KATNAL1: variants seen among roughly 807,000 people sequenced by gnomAD.
KATNAL1 encodes the protein katanin catalytic subunit A1 like 1.
In KATNAL1, 32 loss-of-function variants were observed where a neutral mutation model predicts 55.2. The ratio of observed to expected loss-of-function variants is 0.58; its 90% CI spans 0.44 to 0.78. The LOEUF is 0.78. Ranked by LOEUF, KATNAL1 falls within the 30% of genes least tolerant of loss-of-function variation. KATNAL1 has a pLI of 0.00. For missense variants in KATNAL1, 466 were observed against 600.9 expected (o/e 0.78, Z 2.35); for synonymous variants, 193 against 193.6 (o/e 1.00, Z 0.02).
intron 9 of KATNAL1, among the ~76,000 whole-genome samples, chr13:30,220,903 C>T (rs147957842): frequency 6.8e-6 from 1 of 147,928 alleles, no homozygotes; most frequent in East Asian, 1.9e-4. Flanking sequence ...TTTCTCATAT[C>T]GGTCAGGCTG....
rs1873336515 is a variant in KATNAL1 at position 30,208,284 on chromosome 13, T to C, written c.*256A>G. 2.5e-5 allele frequency: 9 copies of C among 353,634 alleles called. No homozygotes were observed. The South Asian group carries it at 5.4e-4, about 21-fold the overall frequency. 21.9% of individuals were successfully genotyped at this position (353,634 alleles called of 1,614,324 possible). A position where few individuals can be genotyped will look rare whatever the true frequency, so the allele number is the denominator to read the frequency against. ...TGCGCCCTTGCTTCAGCCTCCCTGA[T>C]AGACTGGTTTGGGTGTGCAATATTA... On this transcript the variant is annotated 3_prime_UTR_variant, in exon 11 of 11. Transcript: ENST00000380615.
intron 4 of KATNAL1, among the ~76,000 whole-genome samples, chr13:30,246,145 T>G (rs1877774909): frequency 6.6e-6 from 1 of 152,160 alleles, no homozygotes; most frequent in Non-Finnish European, 1.5e-5. Context: ...GACTTCAAAC[T>G]ATACTACAAG....
intron 1 of KATNAL1, chr13:30,296,726 A>C (rs1882526269): frequency 1.8e-6 from 1 of 556,506 alleles, no homozygotes; most frequent in Admixed American, 2.1e-5. Flanking sequence ...ATTTCTCCAA[A>C]CAAAATTAGG....
At chr13:30,253,916 C>T (rs34295250) in intron 4 of KATNAL1, among the ~76,000 whole-genome samples, 2 of 152,152 alleles carry the variant, frequency 1.3e-5, no homozygotes, top group Non-Finnish European at 2.9e-5. Context: ...CACTGTGAGA[C>T]GCTGGCAAGT....
chr13:30,242,124 T>C (rs1160747342), intron 4 of KATNAL1, among the ~76,000 whole-genome samples: 1 of 152,164 alleles, frequency 6.6e-6, no homozygotes, highest in Non-Finnish European at 1.5e-5. Flanking sequence ...CCAAGTCATA[T>C]TCAAACAAAT....
intron 3 of KATNAL1, among the ~76,000 whole-genome samples, chr13:30,274,152 T>C (rs1377663037): frequency 1.3e-5 from 2 of 152,170 alleles, no homozygotes; most frequent in Admixed American, 1.3e-4. Flanking sequence ...ATCACTAAAT[T>C]AGTAGTGGAA....
chr13:30,227,804 C>T (rs1269238963), intron 8 of KATNAL1, among the ~76,000 whole-genome samples: 2 of 150,928 alleles, frequency 1.3e-5, no homozygotes, highest in Non-Finnish European at 2.9e-5. Flanking sequence ...GATTTTAATC[C>T]AATAAAAACA....
rs565788934 is a variant in KATNAL1, at chr13:30,270,174, G to A, written c.323+9889C>T. 1.5e-5 allele frequency among the ~76,000 whole-genome samples: 2 copies of A among 132,538 alleles called. 1 individual carries two copies. Among genetic ancestry groups the A allele is most frequent in the East Asian group, 5.7e-4 (2 of 3,502 alleles). 87.0% of individuals were successfully genotyped at this position (132,538 alleles called of 152,430 possible). ...GGGAAGTGAGGAGCCTCTCTGCCCA[G>A]CCAGCCGCCTCGTCCGGGAAGGAGG... On this transcript the variant is annotated intron_variant, in intron 3 of 10. Coordinates refer to ENST00000380615, the MANE Select transcript of KATNAL1 (RefSeq NM_032116.5).
At chr13:30,272,486 G>C (rs1013542057) in intron 3 of KATNAL1, among the ~76,000 whole-genome samples, 2 of 152,158 alleles carry the variant, frequency 1.3e-5, no homozygotes, top group African/African-American at 4.8e-5. Context: ...AGGAAGAGGG[G>C]AGATGACAAT....
intron 4 of KATNAL1, among the ~76,000 whole-genome samples, chr13:30,254,448 T>C (rs1878612255): frequency 6.6e-6 from 1 of 152,206 alleles, no homozygotes; most frequent in Non-Finnish European, 1.5e-5. Context: ...GGAGGTAGAA[T>C]ATGTCTTTGA....
intron 4 of KATNAL1, among the ~76,000 whole-genome samples, chr13:30,246,081 T>TA (rs1014517072): frequency 4.1e-4 from 62 of 152,334 alleles, no homozygotes; most frequent in African/African-American, 1.4e-3. Context: ...AGAGCCCATA[T>TA]AGCCAAGACA....
Position 30,227,434 on chromosome 13 carries a change from C to T in KATNAL1, c.1125G>A (p.Arg375=). Reference sequence around the variant, plus strand: ...TACCTGTTGGGAGAGGTATATATATCCTTTTTTCTAACCTTCTTCGCAAAG... The same window carrying T: ...TACCTGTTGGGAGAGGTATATATATTCTTTTTTCTAACCTTCTTCGCAAAG... ...DEALRRRLEK[R]IYIPLPTAKG... The change falls in exon 9 of 11, where the codon AGG becomes AGA. Residue 375 remains arginine, a synonymous_variant. Transcript: ENST00000380615. 9 of 1,613,966 alleles carry T rather than the reference C, an allele frequency of 5.6e-6. No homozygotes were observed. Among genetic ancestry groups the T allele is most frequent in the Non-Finnish European group, 6.8e-6 (8 of 1,179,912 alleles).
At position 30,208,413 on chromosome 13, in the gene KATNAL1, G is replaced by C. The variant is rs1327818586; in HGVS notation, c.*127C>G. 3 of 719,264 alleles carry C rather than the reference G, an allele frequency of 4.2e-6. No homozygotes were observed. The highest frequency in any genetic ancestry group is 6.6e-6 in the Non-Finnish European group (3 of 453,120). 44.6% of individuals were successfully genotyped at this position (719,264 alleles called of 1,614,324 possible). A position where few individuals can be genotyped will look rare whatever the true frequency, so the allele number is the denominator to read the frequency against. On this transcript the variant is annotated 3_prime_UTR_variant, in exon 11 of 11. Transcript: ENST00000380615. ...ACATTTAGTATTCTTCGCAGTTTTA[G>C]ATTTTTTTTTCCTTTAAGCGAAAAC...
At chr13:30,236,128 T>A (rs1020850358) in intron 6 of KATNAL1, among the ~76,000 whole-genome samples, 10 of 152,234 alleles carry the variant, frequency 6.6e-5, no homozygotes, top group African/African-American at 1.9e-4. Context: ...AGAAAAGCCA[T>A]GTGTAAGGGG....
Position 30,280,226 on chromosome 13 carries a change from TA to T in KATNAL1, c.163-4del, listed in dbSNP as rs376904265. On this transcript the variant is annotated splice_polypyrimidine_tract_variant and splice_region_variant and intron_variant, in intron 2 of 10. Transcript: ENST00000380615. Reference sequence around the variant, plus strand: ...TCCTCCAATAATTCCTGCCGAACCTTAAAAAAAAAAAATAGGCTTTATGCTA... The same window carrying T: ...TCCTCCAATAATTCCTGCCGAACCTTAAAAAAAAAAATAGGCTTTATGCTA... The T allele has an allele frequency of 0.046, 51,541 of 1,108,930 alleles. 1 individual carries two copies. The highest frequency in any genetic ancestry group is 0.08 in the South Asian group (4,674 of 58,130). 68.7% of individuals were successfully genotyped at this position (1,108,930 alleles called of 1,614,324 possible). A position where few individuals can be genotyped will look rare whatever the true frequency, so the allele number is the denominator to read the frequency against.
intron 3 of KATNAL1, among the ~76,000 whole-genome samples, chr13:30,259,705 C>A (rs1279358132): frequency 2.0e-5 from 3 of 152,234 alleles, no homozygotes; most frequent in African/African-American, 7.2e-5. Context: ...TATCCCGCAC[C>A]TGGCTCGGAG....
At chr13:30,236,563 A>AT (rs1471902814) in intron 6 of KATNAL1, among the ~76,000 whole-genome samples, 2 of 152,330 alleles carry the variant, frequency 1.3e-5, no homozygotes, top group East Asian at 3.9e-4. Flanking sequence ...TGGCTAGATT[A>AT]TTTCAACAAC....
At chr13:30,212,371 T>A (rs1357573549) in intron 9 of KATNAL1, among the ~76,000 whole-genome samples, 1 of 152,202 alleles carries the variant, frequency 6.6e-6, no homozygotes, top group Admixed American at 6.5e-5. Context: ...GACTACCCAA[T>A]AGCCAGCGTG....
At chr13:30,251,471 T>C (rs1878310226) in intron 4 of KATNAL1, among the ~76,000 whole-genome samples, 3 of 152,150 alleles carry the variant, frequency 2.0e-5, no homozygotes, top group African/African-American at 7.2e-5. Context: ...ACAGAATTAG[T>C]GCCCTAATAA....
Sources: allele counts gnomAD v4.1 joint callset (sites outside exome capture counted in the v4.1 genomes callset), GRCh38; gene constraint gnomAD v4.1.1; transcripts MANE v1.5; gene names NCBI Gene and HGNC (gene_info 2026-07-23, HGNC 2026-07-21).